SPCS3: variants seen among roughly 807,000 people sequenced by gnomAD.
SPCS3 encodes the protein signal peptidase complex subunit 3.
SPCS3 carries 9 observed loss-of-function variants against 17.2 expected under a neutral mutation model. The ratio of observed to expected loss-of-function variants is 0.52; its 90% CI spans 0.31 to 0.91. SPCS3 has a LOEUF of 0.91. Ranked by LOEUF, SPCS3 falls within the 40% of genes least tolerant of loss-of-function variation. The pLI is 0.04. For missense variants in SPCS3, 139 were observed against 217.5 expected (o/e 0.64, Z 2.27); for synonymous variants, 87 against 89.6 (o/e 0.97, Z 0.16).
rs1731671164 is a variant in SPCS3, at chr4:176,330,464, T to C, written c.*2134T>C. ...TTGAAATTTACTTGAATTACAGTTA[T>C]TTGACAAGCCCACTTTTTTTGGAGT... On this transcript the variant is annotated 3_prime_UTR_variant, in exon 5 of 5. Coordinates refer to ENST00000503362, the MANE Select transcript of SPCS3 (RefSeq NM_021928.4). 2.0e-5 allele frequency: 3 copies of C among 152,190 alleles called. No homozygotes were observed. Among genetic ancestry groups the C allele is most frequent in the Admixed American group, 1.3e-4 (2 of 15,286 alleles). 9.4% of individuals were successfully genotyped at this position (152,190 alleles called of 1,614,324 possible).
At chr4:176,327,078 C>A in intron 3 of SPCS3, 84 bp from the exon 4 acceptor site, 1 of 762,748 alleles carries the variant, frequency 1.3e-6, no homozygotes, top group Non-Finnish European at 2.1e-6. Flanking sequence ...ACATGTCAAA[C>A]TATTTGCTTA....
chr4:176,323,722 A>G (rs913884731), intron 2 of SPCS3, among the ~76,000 whole-genome samples: 3 of 152,114 alleles, frequency 2.0e-5, no homozygotes, highest in Non-Finnish European at 4.4e-5. Flanking sequence ...GACATGTACA[A>G]TTTATTATAC....
rs770012691 is a variant in SPCS3, at chr4:176,332,214, T to C, written c.*3884T>C. 1.3e-5 allele frequency: 2 copies of C among 152,244 alleles called. No homozygotes were observed. The highest frequency in any genetic ancestry group is 4.8e-5 in the African/African-American group (2 of 41,468). 9.4% of individuals were successfully genotyped at this position (152,244 alleles called of 1,614,324 possible). A position where few individuals can be genotyped will look rare whatever the true frequency, so the allele number is the denominator to read the frequency against. On this transcript the variant is annotated 3_prime_UTR_variant, in exon 5 of 5. Coordinates refer to ENST00000503362, the MANE Select transcript of SPCS3 (RefSeq NM_021928.4). ...GCCTAGTGTAGTGCCTTGCACATAA[T>C]AGGCGCCCAATAAATATTGATGAAG... is the stretch of plus-strand genomic sequence containing the variant.
intron 3 of SPCS3, among the ~76,000 whole-genome samples, chr4:176,325,068 T>TTA (rs2068474166): frequency 6.7e-6 from 1 of 148,820 alleles, no homozygotes; most frequent in South Asian, 2.1e-4. Context: ...TTTTTTTTTT[T>TTA]AAGACAGAGT....
intron 2 of SPCS3, among the ~76,000 whole-genome samples, chr4:176,323,543 A>T (rs1731565262): frequency 6.6e-6 from 1 of 152,200 alleles, no homozygotes; most frequent in South Asian, 2.1e-4. Flanking sequence ...AACAATTAAC[A>T]TAATACTTAA....
chr4:176,330,356 A>C lies in SPCS3; in HGVS notation c.*2026A>C, dbSNP rs1731668148. On this transcript the variant is annotated 3_prime_UTR_variant, in exon 5 of 5. Transcript: ENST00000503362. ...TTAAAGGCATGTGCGATAAGCCTGCAGTCTTAACCAGACCTGGTACCAGTT... is the reference window on the plus strand; with the variant it reads ...TTAAAGGCATGTGCGATAAGCCTGCCGTCTTAACCAGACCTGGTACCAGTT... 6.6e-6 allele frequency: 1 copy of C among 152,240 alleles called. No homozygotes were observed. The highest frequency in any genetic ancestry group is 1.5e-5 in the Non-Finnish European group (1 of 68,036). 9.4% of individuals were successfully genotyped at this position (152,240 alleles called of 1,614,324 possible).
At chr4:176,325,835 C>G (rs528753352) in intron 3 of SPCS3, among the ~76,000 whole-genome samples, 45 of 152,020 alleles carry the variant, frequency 3.0e-4, no homozygotes, top group Admixed American at 5.2e-4. Context: ...CCTCCACATC[C>G]TGGGTTCAAG....
rs1426213891 is a variant in SPCS3 at position 176,324,185 on chromosome 4, A to G, written c.222A>G (p.Leu74=). 3 of 1,155,752 alleles carry G rather than the reference A, an allele frequency of 2.6e-6. No individual in the cohort carries two copies. Among genetic ancestry groups the G allele is most frequent in the Non-Finnish European group, 3.6e-6 (3 of 840,022 alleles). 71.6% of individuals were successfully genotyped at this position (1,155,752 alleles called of 1,614,324 possible). ...TATTTTCCTTAATTTACTTACATCTAGAGAATATATTTGATTGGAATGTTA... is the reference window on the plus strand; with the variant it reads ...TATTTTCCTTAATTTACTTACATCTGGAGAATATATTTGATTGGAATGTTA... ...GFITFDITAD[L]ENIFDWNVKQ... Residue 74 remains leucine (L), a synonymous_variant, in exon 3 of 5, where the codon CTA becomes CTG. Transcript: ENST00000503362.
Position 176,327,592 on chromosome 4 carries a change from C to T in SPCS3, c.410+315C>T, listed in dbSNP as rs116800281. On this transcript the variant is annotated intron_variant, in intron 4 of 4. Coordinates refer to ENST00000503362, the MANE Select transcript of SPCS3 (RefSeq NM_021928.4). ...AAAGGGCTCCTTTCTGAGCGTGAGT[C>T]GGGAAACCTTAGAAGCAGCATGTTG... Among the ~76,000 whole-genome samples, 361 of 152,212 alleles carry T rather than the reference C, an allele frequency of 2.4e-3. 1 individual carries two copies. The highest frequency in any genetic ancestry group is 7.9e-3 in the African/African-American group (329 of 41,524).
In SPCS3 at chr4:176,325,334, A is replaced by G. The variant is rs112520457; in HGVS notation, c.294+1077A>G. 5.1e-3 allele frequency among the ~76,000 whole-genome samples: 776 copies of G among 152,198 alleles called. 6 individuals carry two copies. The highest frequency in any genetic ancestry group is 0.018 in the African/African-American group (745 of 41,540). On this transcript the variant is annotated intron_variant, in intron 3 of 4. Coordinates refer to ENST00000503362, the MANE Select transcript of SPCS3 (RefSeq NM_021928.4). ...CTCCCAAAGTGCTAGGATTACAGGC[A>G]TAAGCCACCGCGCCCGGCCGTTGTT... is the stretch of plus-strand genomic sequence containing the variant.
rs1678959349 is a variant in SPCS3, at chr4:176,329,098, A to G, written c.*768A>G. 6.6e-6 allele frequency: 1 copy of G among 151,822 alleles called. No individual in the cohort carries two copies. The highest frequency in any genetic ancestry group is 2.4e-5 in the African/African-American group (1 of 41,330). 9.4% of individuals were successfully genotyped at this position (151,822 alleles called of 1,614,324 possible). ...GAAAGTTAAAATGTTTGCATGGTTT[A>G]CCCTCTGAGTTATGTTTCTTCTAGT... On this transcript the variant is annotated 3_prime_UTR_variant, in exon 5 of 5. Transcript: ENST00000503362.
chr4:176,319,982 C>T lies in SPCS3; in HGVS notation c.-95C>T, dbSNP rs950223039. The T allele has an allele frequency of 1.7e-4, 234 of 1,353,570 alleles. No individual in the cohort carries two copies. The highest frequency in any genetic ancestry group is 2.2e-4 in the Non-Finnish European group (225 of 1,041,868). The allele number at this position is 1,353,570 out of a possible 1,614,324, so 83.8% of individuals were successfully genotyped here. ...GCGGCGCGCGCTCCCGGAACGCGCGCACCGCAGACGGCGCGGATCGCAGGG... is the reference window on the plus strand; with the variant it reads ...GCGGCGCGCGCTCCCGGAACGCGCGTACCGCAGACGGCGCGGATCGCAGGG... On this transcript the variant is annotated 5_prime_UTR_variant, in exon 1 of 5. Transcript: ENST00000503362.
chr4:176,320,410 G>A (rs2126999158), intron 1 of SPCS3, 191 bp downstream of exon 1: 1 of 355,822 alleles, frequency 2.8e-6, no homozygotes, highest in Non-Finnish European at 4.7e-6. Flanking sequence ...GCGTCCCCTC[G>A]GAACTTGCAC....
chr4:176,329,546 C>T lies in SPCS3; in HGVS notation c.*1216C>T, dbSNP rs1731655136. 1 of 152,062 alleles carries T rather than the reference C, an allele frequency of 6.6e-6. No homozygotes were observed. Among genetic ancestry groups the T allele is most frequent in the Admixed American group, 6.5e-5 (1 of 15,270 alleles). The allele number at this position is 152,062 out of a possible 1,614,324, so 9.4% of individuals were successfully genotyped here. A position where few individuals can be genotyped will look rare whatever the true frequency, so the allele number is the denominator to read the frequency against. ...ATGGAAGTGACTAATTTTCAAGCTGCCAACAACTTATATCGAGGTAATATT... is the reference window on the plus strand; with the variant it reads ...ATGGAAGTGACTAATTTTCAAGCTGTCAACAACTTATATCGAGGTAATATT... On this transcript the variant is annotated 3_prime_UTR_variant, in exon 5 of 5. Transcript: ENST00000503362.
intron 1 of SPCS3, chr4:176,321,084 A>G (rs553791201): frequency 1.3e-5 from 2 of 151,824 alleles, no homozygotes; most frequent in South Asian, 2.1e-4. Context: ...CGTCTTACAC[A>G]AGTTCTTTAA....
chr4:176,325,508 T>G (rs1731594456), intron 3 of SPCS3, among the ~76,000 whole-genome samples: 1 of 151,520 alleles, frequency 6.6e-6, no homozygotes, highest in African/African-American at 2.4e-5. Flanking sequence ...TTAATAATTT[T>G]CAAACCTTCT....
At chr4:176,327,575 C>G (rs771885598) in intron 4 of SPCS3, among the ~76,000 whole-genome samples, 9 of 152,150 alleles carry the variant, frequency 5.9e-5, no homozygotes, top group Non-Finnish European at 1.2e-4. Context: ...TCAAAGGGCT[C>G]CTTTCTGAGC....
At position 176,329,768 on chromosome 4, in the gene SPCS3, G is replaced by C. The variant is rs1302300786; in HGVS notation, c.*1438G>C. 1 of 151,756 alleles carries C rather than the reference G, an allele frequency of 6.6e-6. No homozygotes were observed. The highest frequency in any genetic ancestry group is 1.5e-5 in the Non-Finnish European group (1 of 67,942). The allele number at this position is 151,756 out of a possible 1,614,324, so 9.4% of individuals were successfully genotyped here. A position where few individuals can be genotyped will look rare whatever the true frequency, so the allele number is the denominator to read the frequency against. The stretch of plus-strand genomic sequence containing the variant: ...AAATCAGTTACCCTTAGAAAAGCAA[G>C]ACCAAACACTGTAGTTACACTATTA... On this transcript the variant is annotated 3_prime_UTR_variant, in exon 5 of 5. Coordinates refer to ENST00000503362, the MANE Select transcript of SPCS3 (RefSeq NM_021928.4).
At chr4:176,324,897 A>G (rs1731583975) in intron 3 of SPCS3, among the ~76,000 whole-genome samples, 1 of 152,138 alleles carries the variant, frequency 6.6e-6, no homozygotes, top group Admixed American at 6.6e-5. Flanking sequence ...AAACACAAAG[A>G]CAACCTAGAT....
Sources: allele counts gnomAD v4.1 joint callset (sites outside exome capture counted in the v4.1 genomes callset), GRCh38; gene constraint gnomAD v4.1.1; transcripts MANE v1.5; gene names NCBI Gene and HGNC (gene_info 2026-07-23, HGNC 2026-07-21).